The following BCAS4 variants were observed in gnomAD, a reference collection of about 807,000 sequenced individuals.
BCAS4 encodes the protein breast carcinoma-amplified sequence 4.
BCAS4 carries 9 observed loss-of-function variants against 15.7 expected under a neutral mutation model. The ratio of observed to expected loss-of-function variants is 0.57; its 90% CI spans 0.34 to 1.00. BCAS4 has a LOEUF of 1.00. BCAS4 is among the 50% of genes least tolerant of loss of function. BCAS4 has a pLI of 0.02. For synonymous variants in BCAS4, 101 were observed against 99.5 expected (o/e 1.02, Z -0.09); for missense variants, 225 against 239.1 (o/e 0.94, Z 0.39).
At chr20:50,844,630 G>C (rs1252215542) in intron 4 of BCAS4, among the ~76,000 whole-genome samples, 1 of 152,144 alleles carries the variant, frequency 6.6e-6, no homozygotes, top group East Asian at 1.9e-4. Context: ...TACAGAGGCA[G>C]AGACTGAGGC....
Position 50,842,707 on chromosome 20 carries a change from C to T in BCAS4, c.399+807C>T, listed in dbSNP as rs138896584. On this transcript the variant is annotated intron_variant, in intron 4 of 4. Transcript: ENST00000371608. ...TGCTGGGATTACAGGCATGAGCCAC[C>T]GTGCCTGGCCAATCACCCTCAGTTT... is the stretch of plus-strand genomic sequence containing the variant. Among the ~76,000 whole-genome samples, 5 of 152,304 alleles carry T rather than the reference C, an allele frequency of 3.3e-5. No homozygotes were observed. The East Asian group carries it at 7.7e-4, about 24-fold the overall frequency.
chr20:50,818,385 G>A (rs1244828838), intron 2 of BCAS4, 103 bp downstream of exon 2: 13 of 1,106,870 alleles, frequency 1.2e-5, no homozygotes. Context: ...TAGCAACCAG[G>A]AGGAATGGGG....
intron 1 of BCAS4, among the ~76,000 whole-genome samples, chr20:50,808,146 T>C (rs2088017576): frequency 6.6e-6 from 1 of 152,020 alleles, no homozygotes; most frequent in Non-Finnish European, 1.5e-5. Flanking sequence ...TCTCCTGACC[T>C]CGTGATCCGC....
At chr20:50,833,594 A>C (rs2123795384) in intron 3 of BCAS4, among the ~76,000 whole-genome samples, 1 of 152,326 alleles carries the variant, frequency 6.6e-6, no homozygotes. Flanking sequence ...CAAAGCGCTG[A>C]TCTAGAGCTG....
chr20:50,854,012 AC>A (rs1978619486), intron 4 of BCAS4, among the ~76,000 whole-genome samples: 1 of 152,206 alleles, frequency 6.6e-6, no homozygotes. Flanking sequence ...GTTAAGGACC[AC>A]TGGCCCAGAA....
At chr20:50,810,197 C>T (rs1317136133) in intron 1 of BCAS4, among the ~76,000 whole-genome samples, 1 of 151,456 alleles carries the variant, frequency 6.6e-6, no homozygotes, top group Admixed American at 6.6e-5. Flanking sequence ...GCCTGAACTT[C>T]CTTATGTGGC....
intron 1 of BCAS4, among the ~76,000 whole-genome samples, chr20:50,796,468 TATATATATATATATATATA>T (rs1421513645): frequency 1.6e-4 from 2 of 12,310 alleles, no homozygotes; most frequent in African/African-American, 3.3e-4. Flanking sequence ...TATATATATA[TATATATATATATATATATA>T]TTTTTTTTTT....
intron 4 of BCAS4, among the ~76,000 whole-genome samples, chr20:50,843,403 G>T (rs1418097537): frequency 6.6e-6 from 1 of 152,190 alleles, no homozygotes; most frequent in Non-Finnish European, 1.5e-5. Context: ...AAGTGTCAGG[G>T]GTTCTGCCCG....
Position 50,809,924 on chromosome 20 carries a change from C to T in BCAS4, c.91-8287C>T, listed in dbSNP as rs114356190. ...CAGCTTGGTTGCAGTTGGTGTATAG[C>T]AGTCTACTGATTTGTGTACATTGGT... On this transcript the variant is annotated intron_variant, in intron 1 of 4. Transcript: ENST00000371608. 2.0e-3 allele frequency among the ~76,000 whole-genome samples: 299 copies of T among 152,242 alleles called. 3 individuals are homozygous for T. The highest frequency in any genetic ancestry group is 7.0e-3 in the African/African-American group (291 of 41,536).
chr20:50,859,632 C>T (rs1049986052), intron 4 of BCAS4, among the ~76,000 whole-genome samples: 3 of 151,808 alleles, frequency 2.0e-5, no homozygotes, highest in East Asian at 1.9e-4. Context: ...TTACTGGGAC[C>T]GCTCTGCTGC....
At chr20:50,815,498 CT>C (rs1388251467) in intron 1 of BCAS4, among the ~76,000 whole-genome samples, 1 of 152,208 alleles carries the variant, frequency 6.6e-6, no homozygotes, top group African/African-American at 2.4e-5. Flanking sequence ...ACAGTGACCT[CT>C]TGGCTCCATC....
intron 2 of BCAS4, 57 bp downstream of exon 2, chr20:50,818,339 C>A: frequency 8.3e-7 from 1 of 1,201,928 alleles, no homozygotes; most frequent in East Asian, 2.7e-5. Flanking sequence ...CAGGCCCTTG[C>A]TGGAGTTTTC....
At chr20:50,796,476 TATATATATA>T (rs1202091489) in intron 1 of BCAS4, among the ~76,000 whole-genome samples, 39 of 13,894 alleles carry the variant, frequency 2.8e-3, no homozygotes, top group African/African-American at 3.5e-3. Context: ...TATATATATA[TATATATATA>T]TATTTTTTTT....
intron 4 of BCAS4, among the ~76,000 whole-genome samples, chr20:50,842,233 C>T (rs1479292537): frequency 3.9e-5 from 6 of 152,176 alleles, no homozygotes; most frequent in Admixed American, 6.5e-5. Flanking sequence ...TCTAGAATTC[C>T]GGCCAGGTTG....
rs2088483120 is a variant in BCAS4, at chr20:50,841,686, C to T, written c.265-80C>T. The T allele has an allele frequency of 3.8e-6, 6 of 1,588,830 alleles. No individual in the cohort carries two copies. The East Asian group carries it at 1.1e-4, about 30-fold the overall frequency. On this transcript the variant is annotated intron_variant, in intron 3 of 4. Coordinates refer to ENST00000371608, the MANE Select transcript of BCAS4 (RefSeq NM_198799.4). ...TCGCAGTGATGAAAGGCCTGGAGTCCCCACCAGCCCAGGGAGTGTGGCCAG... is the reference window on the plus strand; with the variant it reads ...TCGCAGTGATGAAAGGCCTGGAGTCTCCACCAGCCCAGGGAGTGTGGCCAG...
intron 4 of BCAS4, among the ~76,000 whole-genome samples, chr20:50,868,158 C>T (rs893227235): frequency 5.9e-5 from 9 of 152,166 alleles, no homozygotes; most frequent in African/African-American, 2.2e-4. Flanking sequence ...AGCAAGGATA[C>T]TCAACATGGC....
chr20:50,832,923 A>G (rs1005649093), intron 3 of BCAS4: 3 of 152,248 alleles, frequency 2.0e-5, no homozygotes, highest in Non-Finnish European at 4.4e-5. Flanking sequence ...TTTGCCAAGG[A>G]AGGTGACATA....
chr20:50,852,366 TTG>T (rs34560943), intron 4 of BCAS4, among the ~76,000 whole-genome samples: 5 of 150,172 alleles, frequency 3.3e-5, no homozygotes, highest in Non-Finnish European at 7.4e-5. Flanking sequence ...TTTTGTGGCT[TTG>T]TGTGTGTGTG....
At chr20:50,794,985 CCGCGGGGCATGCA>C (rs1324851499), upstream of BCAS4, 1 of 1,272,980 alleles carries the variant, frequency 7.9e-7, no homozygotes, top group Non-Finnish European at 9.9e-7. Context: ...GCCAGGCGGT[CCGCGGGGCATGCA>C]GCGGACCGGG....
Sources: allele counts gnomAD v4.1 joint callset (sites outside exome capture counted in the v4.1 genomes callset), GRCh38; gene constraint gnomAD v4.1.1; transcripts MANE v1.5; gene names NCBI Gene and HGNC (gene_info 2026-07-23, HGNC 2026-07-21).